The following ANGPTL1 variants were observed in gnomAD, a reference collection of about 807,000 sequenced individuals.
The protein encoded by ANGPTL1 is angiopoietin like 1, also known as angiopoietin-related protein 1.
Under a neutral mutation model 46.7 loss-of-function variants are expected in ANGPTL1, and 36 were observed. The observed-to-expected ratio is 0.77, with a 90% CI of 0.59 to 1.02. The LOEUF (loss-of-function observed/expected upper bound fraction) is 1.02, where lower values mean the gene tolerates loss of function less well. ANGPTL1 is among the 50% of genes least tolerant of loss of function. ANGPTL1 has a pLI of 0.00. For synonymous variants in ANGPTL1, 221 were observed against 204.3 expected, an observed-to-expected ratio of 1.08 and a Z score of -0.69; for missense variants, 571 against 594.7, an observed-to-expected ratio of 0.96 and a Z score of 0.41.
At chr1:178,859,455 G>A (rs917875270) in intron 3 of ANGPTL1, among the ~76,000 whole-genome samples, 3 of 143,440 alleles carry the variant, frequency 2.1e-5, no homozygotes, top group African/African-American at 7.8e-5. Flanking sequence ...CCAGGCTGGA[G>A]TGCAGTGTCA....
At chr1:178,856,394 A>AT (rs71108081) in intron 3 of ANGPTL1, among the ~76,000 whole-genome samples, 1,189 of 36,374 alleles carry the variant, frequency 0.033, 204 homozygotes, top group Middle Eastern at 0.074. Context: ...TGCCTGGCTA[A>AT]TTTTTTTTTT....
chr1:178,857,705 C>T (rs552415765), intron 3 of ANGPTL1, among the ~76,000 whole-genome samples: 209 of 152,182 alleles, frequency 1.4e-3, no homozygotes, highest in South Asian at 3.3e-3. Context: ...ATATCATTTT[C>T]GTAAATGTTT....
intron 3 of ANGPTL1, 123 bp from the exon 4 acceptor site, chr1:178,853,910 C>T: frequency 1.7e-6 from 1 of 597,366 alleles, no homozygotes; most frequent in Non-Finnish European, 2.6e-6. Context: ...ATCATATATA[C>T]AATATTATAA....
At chr1:178,855,447 A>G (rs1238434881) in intron 3 of ANGPTL1, among the ~76,000 whole-genome samples, 2 of 151,910 alleles carry the variant, frequency 1.3e-5, no homozygotes, top group African/African-American at 4.8e-5. Context: ...TCTAGTCCAA[A>G]TGTTTATTAT....
chr1:178,862,484 T>C (rs1413785856), intron 3 of ANGPTL1, among the ~76,000 whole-genome samples: 1 of 152,188 alleles, frequency 6.6e-6, no homozygotes, highest in Non-Finnish European at 1.5e-5. Context: ...TAAGAGGGAC[T>C]ATACAAAATG....
chr1:178,855,974 AAAGT>A (rs954378766), intron 3 of ANGPTL1, among the ~76,000 whole-genome samples: 162 of 148,804 alleles, frequency 1.1e-3, no homozygotes, highest in African/African-American at 3.6e-3. Context: ...TAAGAACAAA[AAAGT>A]AATATATATA....
chr1:178,863,036 T>C (rs1261795708), intron 3 of ANGPTL1, among the ~76,000 whole-genome samples: 1 of 152,232 alleles, frequency 6.6e-6, no homozygotes, highest in Non-Finnish European at 1.5e-5. Context: ...AATACTGTTA[T>C]TCCCATTTCA....
intron 5 of ANGPTL1, among the ~76,000 whole-genome samples, chr1:178,852,140 G>A (rs146053563): frequency 1.3e-5 from 2 of 152,076 alleles, no homozygotes; most frequent in African/African-American, 2.4e-5. Context: ...CATTTCTTGC[G>A]ACTCTTTATT....
At chr1:178,858,719 A>G (rs1402627103) in intron 3 of ANGPTL1, among the ~76,000 whole-genome samples, 1 of 152,152 alleles carries the variant, frequency 6.6e-6, no homozygotes, top group Non-Finnish European at 1.5e-5. Flanking sequence ...ATGCCACATT[A>G]TTTCCCAAGG....
chr1:178,865,494 G>A lies in ANGPTL1; in HGVS notation c.283C>T (p.Gln95Ter), dbSNP rs756318112. 1 of 1,613,852 alleles carries A rather than the reference G, an allele frequency of 6.2e-7. No individual in the cohort carries two copies. Among genetic ancestry groups the A allele is most frequent in the African/African-American group, 1.3e-5 (1 of 74,880 alleles). The stretch of plus-strand genomic sequence containing the variant: ...TGCAGAACATCTATCTCCCGCTTCT[G>A]CCTGGAGAGCACATCCTTCAGGTTT... ...LENLKDVLSR[Q>*]KREIDVLQLV... Residue 95 changes from glutamine (Q) to a stop codon, truncating the protein, a stop_gained, in exon 3 of 6, where the codon CAG becomes TAG. Coordinates refer to ENST00000234816, the MANE Select transcript of ANGPTL1 (RefSeq NM_004673.4). LOFTEE classifies it high-confidence loss of function.
intron 3 of ANGPTL1, among the ~76,000 whole-genome samples, chr1:178,859,495 C>G (rs1330266518): frequency 1.3e-5 from 2 of 148,954 alleles, no homozygotes; most frequent in African/African-American, 5.0e-5. Flanking sequence ...CCTCCGCCTC[C>G]CGAGTTCAAG....
rs755337121 is a variant in ANGPTL1 at position 178,852,710 on chromosome 1, G to C, written c.1261C>G (p.Leu421Val). 3.1e-5 allele frequency: 50 copies of C among 1,613,602 alleles called. No individual in the cohort carries two copies. Among genetic ancestry groups the C allele is most frequent in the Non-Finnish European group, 4.2e-5 (50 of 1,179,768 alleles). ...GCATACATATCTTTATCTCTGTCCA[G>C]TGTGGTGAATTGTTTACCATTATGC... The part of the protein sequence containing the change: ...MWHNGKQFTT[L>V]DRDKDMYAGN... Residue 421 changes from leucine to valine, a missense_variant, in exon 5 of 6, where the codon CTG (leucine) becomes GTG (valine). Coordinates refer to ENST00000234816, the MANE Select transcript of ANGPTL1 (RefSeq NM_004673.4).
At chr1:178,868,063 A>C (rs556505084) in intron 2 of ANGPTL1, among the ~76,000 whole-genome samples, 4 of 152,014 alleles carry the variant, frequency 2.6e-5, no homozygotes, top group African/African-American at 9.7e-5. Context: ...CTGTATTTCT[A>C]TCGAGGCCTT....
At chr1:178,854,410 T>C (rs998276511) in intron 3 of ANGPTL1, among the ~76,000 whole-genome samples, 3 of 152,160 alleles carry the variant, frequency 2.0e-5, no homozygotes, top group Non-Finnish European at 4.4e-5. Flanking sequence ...TGTTTCCCTT[T>C]TGGAAATTCT....
chr1:178,864,696 C>A (rs1425778976), intron 3 of ANGPTL1, among the ~76,000 whole-genome samples: 1 of 151,958 alleles, frequency 6.6e-6, no homozygotes, highest in East Asian at 1.9e-4. Context: ...AGAATAGTAG[C>A]CCCTCGATCA....
At position 178,870,863 on chromosome 1, in the gene ANGPTL1, G is replaced by C. The variant is rs1382242469; in HGVS notation, c.-259C>G. 2 of 152,080 alleles carry C rather than the reference G, an allele frequency of 1.3e-5. No homozygotes were observed. Among genetic ancestry groups the C allele is most frequent in the Non-Finnish European group, 2.9e-5 (2 of 68,010 alleles). 9.4% of individuals were successfully genotyped at this position (152,080 alleles called of 1,614,324 possible). ...GGCAGCTGCATTTTTGTTTTGGACC[G>C]TTGAATCCAAGCTGTAAGAAGGAAC... On this transcript the variant is annotated 5_prime_UTR_variant, in exon 1 of 6. Coordinates refer to ENST00000234816, the MANE Select transcript of ANGPTL1 (RefSeq NM_004673.4).
At position 178,864,964 on chromosome 1, in the gene ANGPTL1, G is replaced by C. The variant is rs372891991; in HGVS notation, c.813C>G (p.Phe271Leu). The C allele has an allele frequency of 2.4e-5, 35 of 1,449,828 alleles. No individual in the cohort carries two copies. Among genetic ancestry groups the C allele is most frequent in the Admixed American group, 7.7e-5 (3 of 38,782 alleles). 89.8% of individuals were successfully genotyped at this position (1,449,828 alleles called of 1,614,324 possible). Residue 271 changes from phenylalanine (F) to leucine (L), a missense_variant, in exon 3 of 6, where the codon TTC (phenylalanine) becomes TTG (leucine). Phe to Leu is a conservative substitution (Grantham distance 22). Coordinates refer to ENST00000234816, the MANE Select transcript of ANGPTL1 (RefSeq NM_004673.4). Reference sequence around the variant, plus strand: ...TAAGAGGTAACTCACCTTCATTGATGAAAGTTACCGGTGGTATCTTGAAAG... The same window carrying C: ...TAAGAGGTAACTCACCTTCATTGATCAAAGTTACCGGTGGTATCTTGAAAG... ...KSPFKIPPVT[F>L]INEGPFKDCQ...
chr1:178,861,189 A>C (rs1657984323), intron 3 of ANGPTL1, among the ~76,000 whole-genome samples: 2 of 152,336 alleles, frequency 1.3e-5, no homozygotes, highest in South Asian at 4.1e-4. Flanking sequence ...TGTACTAATT[A>C]GTATAGTAAT....
Position 178,850,824 on chromosome 1 carries a change from G to T in ANGPTL1, c.*305C>A, listed in dbSNP as rs988172922. On this transcript the variant is annotated 3_prime_UTR_variant, in exon 6 of 6. Coordinates refer to ENST00000234816, the MANE Select transcript of ANGPTL1 (RefSeq NM_004673.4). ...TAAGTATCTTGAACATGTTATTTAT[G>T]ATTTAAAATATAGCTAAGATTTGCT... is the stretch of plus-strand genomic sequence containing the variant. 1 of 205,558 alleles carries T rather than the reference G, an allele frequency of 4.9e-6. No individual in the cohort carries two copies. The highest frequency in any genetic ancestry group is 1.7e-4 in the South Asian group (1 of 5,754). The allele number at this position is 205,558 out of a possible 1,614,324, so 12.7% of individuals were successfully genotyped here.
Sources: gnomAD v4.1 joint callset for allele counts (sites outside exome capture counted in the v4.1 genomes callset) on GRCh38, gnomAD v4.1.1 for gene constraint, MANE v1.5 for transcripts, NCBI Gene and HGNC (gene_info 2026-07-23, HGNC 2026-07-21) for gene names.